GTPBP6: variants seen among roughly 807,000 people sequenced by gnomAD.
GTPBP6 encodes putative GTP-binding protein 6.
In GTPBP6, 33 loss-of-function variants were observed where a neutral mutation model predicts 28.9. The ratio of observed to expected loss-of-function variants is 1.14; its 90% CI spans 0.87 to 1.53. The LOEUF (loss-of-function observed/expected upper bound fraction) is 1.53. GTPBP6 is among the 40% of genes most tolerant of loss of function. The pLI, the probability that GTPBP6 is intolerant of heterozygous loss-of-function variation, is 0.00. For missense variants in GTPBP6, 507 were observed against 408.3 expected (o/e 1.24, Z -2.08); for synonymous variants, 231 against 192.7 (o/e 1.20, Z -1.65).
rs1465277258 is a variant in GTPBP6, at chrX:317,065, A to T, written c.350-14T>A. The T allele has an allele frequency of 2.5e-6, 1 of 398,230 alleles. No individual in the cohort carries two copies. Among genetic ancestry groups the T allele is most frequent in the Admixed American group, 4.4e-5 (1 of 22,706 alleles). 24.7% of individuals were successfully genotyped at this position (398,230 alleles called of 1,614,324 possible). On this transcript the variant is annotated splice_polypyrimidine_tract_variant and intron_variant, in intron 1 of 9. Coordinates refer to ENST00000326153, the Ensembl canonical transcript of GTPBP6. ...CCTGCCACTCGGCTGCGGGGACACA[A>T]GGGCCACCGTGAGAGACGCTTCTGC...
At chrX:311,519 C>T (rs764584409) in exon 7 of GTPBP6, 47 of 1,612,150 alleles carry the variant, frequency 2.9e-5, no homozygotes, top group Admixed American at 2.8e-4. Flanking sequence ...GACGGTCATG[C>T]GTGAGGGCAG....
exon 4 of GTPBP6, chrX:314,945 C>G (rs1252457009): frequency 2.5e-6 from 1 of 398,740 alleles, no homozygotes; most frequent in Non-Finnish European, 4.4e-6. Flanking sequence ...TTCGTGCGGG[C>G]GTTACAGCGG....
chrX:317,899 C>G (rs1436598657), intron 1 of GTPBP6, among the ~76,000 whole-genome samples: 1 of 149,268 alleles, frequency 6.7e-6, no homozygotes, highest in Admixed American at 6.7e-5. Context: ...GCTCCTCCCC[C>G]GAACCCCACC....
intron 9 of GTPBP6, among the ~76,000 whole-genome samples, chrX:307,018 A>G (rs1265423603): frequency 6.6e-6 from 1 of 151,548 alleles, no homozygotes; most frequent in African/African-American, 2.4e-5. Context: ...AGCACAGATT[A>G]GGCAACTGTT....
At chrX:314,028 C>A (rs1445796589) in intron 5 of GTPBP6, 122 bp downstream of exon 5, 2 of 804,642 alleles carry the variant, frequency 2.5e-6, no homozygotes, top group African/African-American at 3.4e-5. Context: ...CAAATGCTAC[C>A]AGGAGACGGA....
intron 9 of GTPBP6, among the ~76,000 whole-genome samples, chrX:306,149 T>C (rs2070157560): frequency 6.6e-6 from 1 of 152,100 alleles, no homozygotes; most frequent in Admixed American, 6.5e-5. Flanking sequence ...CAGTCAGAAA[T>C]GTATTTTGAC....
chrX:318,325 A>G (rs2070478215), intron 1 of GTPBP6, 114 bp downstream of exon 1: 1 of 366,246 alleles, frequency 2.7e-6, no homozygotes, highest in East Asian at 3.9e-5. Context: ...CACCTATGAG[A>G]TCGTCCCTTC....
intron 1 of GTPBP6, among the ~76,000 whole-genome samples, chrX:317,687 G>GTCCACCCAACCCCACCCCAC (rs1556036922): frequency 5.5e-5 from 3 of 54,512 alleles, no homozygotes; most frequent in Admixed American, 1.9e-4. Context: ...AACCGCCCCG[G>GTCCACCCAACCCCACCCCAC]CCCACCCAAC....
chrX:305,222 G>C, intron 9 of GTPBP6, 25 bp from the exon 10 acceptor site: 3 of 1,551,214 alleles, frequency 1.9e-6, no homozygotes, highest in Non-Finnish European at 2.7e-6. Context: ...GCGTTGTATG[G>C]AGACAAGCAG....
rs746117282 is a variant in GTPBP6 at position 307,343 on chromosome X, C to A, written c.1427+17G>T. On this transcript the variant is annotated intron_variant, in intron 9 of 9. Transcript: ENST00000326153. ...TCCAAAGCACCATCCCGTCTCCTGC[C>A]CCTGCAGGCCGCTCACCTGAGCTGC... The A allele has an allele frequency of 8.1e-6, 13 of 1,610,434 alleles. No individual in the cohort carries two copies. In the South Asian group the frequency reaches 1.1e-4, roughly 14 times the overall value.
At chrX:309,163 G>C (rs754506108) in intron 7 of GTPBP6, among the ~76,000 whole-genome samples, 1 of 152,208 alleles carries the variant, frequency 6.6e-6, no homozygotes, top group African/African-American at 2.4e-5. Context: ...AAACAAAGCC[G>C]TAGCCTGAAT....
intron 9 of GTPBP6, among the ~76,000 whole-genome samples, chrX:306,168 G>A (rs1430552593): frequency 6.6e-6 from 1 of 152,032 alleles, no homozygotes; most frequent in Non-Finnish European, 1.5e-5. Context: ...ACTGTCAAGT[G>A]CAGATTAGGC....
chrX:317,888 G>A (rs1389637103), intron 1 of GTPBP6, among the ~76,000 whole-genome samples: 2 of 137,872 alleles, frequency 1.5e-5, no homozygotes, highest in South Asian at 4.8e-4. Flanking sequence ...TTCACCCATG[G>A]GCTCCTCCCC....
exon 10 of GTPBP6, chrX:304,782 G>C (rs1327615075): frequency 1.5e-6 from 2 of 1,323,678 alleles, no homozygotes; most frequent in Non-Finnish European, 9.7e-7. Context: ...TTAATGTCCT[G>C]TTACGGAAAC....
rs2070420931 is a variant in GTPBP6, at chrX:315,685, T to TACACACACAGACACACAC, written c.488-387_488-386insGTGTGTGTCTGTGTGTGT. 5.2e-3 allele frequency among the ~76,000 whole-genome samples: 12 copies of TACACACACAGACACACAC among 2,320 alleles called. 1 individual carries two copies. The highest frequency in any genetic ancestry group is 5.8e-3 in the Non-Finnish European group (5 of 856). 1.5% of individuals were successfully genotyped at this position (2,320 alleles called of 152,430 possible). On this transcript the variant is annotated intron_variant, in intron 2 of 9. Coordinates refer to ENST00000326153, the Ensembl canonical transcript of GTPBP6. The stretch of plus-strand genomic sequence containing the variant: ...ACATCCCGGCAGGGACACAAACACA[T>TACACACACAGACACACAC]ACACACACACACACACACACAGTAA...
At chrX:305,358 G>A (rs1278060487) in intron 9 of GTPBP6, among the ~76,000 whole-genome samples, 161 bp from the exon 10 acceptor site, 1 of 140,388 alleles carries the variant, frequency 7.1e-6, no homozygotes, top group African/African-American at 2.9e-5. Context: ...GTCTCACTCT[G>A]TCGCGTAGGC....
At chrX:315,066 C>T in intron 3 of GTPBP6, 46 bp from the exon 4 acceptor site, 1 of 398,744 alleles carries the variant, frequency 2.5e-6, no homozygotes. Context: ...GAAGGCCGGG[C>T]CCTGGTGGCC....
chrX:305,013 G>GT, exon 10 of GTPBP6: 1 of 1,593,656 alleles, frequency 6.3e-7, no homozygotes, highest in Non-Finnish European at 8.5e-7. Context: ...CAACACAGCG[G>GT]TAACGCCTCA....
At chrX:315,537 AACACAT>A (rs1283457326) in intron 2 of GTPBP6, among the ~76,000 whole-genome samples, 5,485 of 115,334 alleles carry the variant, frequency 0.048, 159 homozygotes, top group African/African-American at 0.16. Context: ...CAGGGACACA[AACACAT>A]ACACACGCAG....
Sources: gnomAD v4.1 joint callset for allele counts (sites outside exome capture counted in the v4.1 genomes callset) on GRCh38, gnomAD v4.1.1 for gene constraint, MANE v1.5 for transcripts, NCBI Gene and HGNC (gene_info 2026-07-23, HGNC 2026-07-21) for gene names.